The following CDK14 variants were observed in gnomAD, a reference collection of about 807,000 sequenced individuals.
CDK14 encodes cyclin dependent kinase 14, also known as cyclin-dependent kinase 14.
A neutral mutation model predicts 60.7 loss-of-function variants in CDK14; 34 were observed. The observed-to-expected ratio is 0.56, with a 90% CI of 0.43 to 0.75. The LOEUF is 0.75. CDK14 is among the 30% of genes least tolerant of loss of function. The pLI is 0.00. For missense variants in CDK14, 482 were observed against 564.1 expected (o/e 0.85, Z 1.47); for synonymous variants, 197 against 203.7 (o/e 0.97, Z 0.28).
chr7:91,075,637 GAAAT>G (rs1021914077), intron 11 of CDK14, among the ~76,000 whole-genome samples: 11 of 152,136 alleles, frequency 7.2e-5, no homozygotes, highest in Non-Finnish European at 8.8e-5. Flanking sequence ...GCAAGAGAAA[GAAAT>G]AAAGGATATT....
intron 14 of CDK14, among the ~76,000 whole-genome samples, chr7:91,141,275 A>G (rs1296978724): frequency 1.3e-5 from 2 of 152,118 alleles, no homozygotes; most frequent in Non-Finnish European, 2.9e-5. Context: ...GTGGTGGGAG[A>G]AGGACAGAGA....
chr7:90,906,563 C>G (rs1001504823), intron 7 of CDK14, among the ~76,000 whole-genome samples: 1 of 152,054 alleles, frequency 6.6e-6, no homozygotes, highest in East Asian at 1.9e-4. Context: ...TGCAGCATGA[C>G]AGTATATATA....
chr7:91,097,085 T>C (rs890420225), intron 12 of CDK14, among the ~76,000 whole-genome samples: 1 of 152,092 alleles, frequency 6.6e-6, no homozygotes, highest in Non-Finnish European at 1.5e-5. Flanking sequence ...TTTTATTATA[T>C]AAAAACATAT....
chr7:91,192,888 G>A (rs997986960), intron 14 of CDK14, among the ~76,000 whole-genome samples: 11 of 152,162 alleles, frequency 7.2e-5, no homozygotes, highest in African/African-American at 2.2e-4. Flanking sequence ...CACTGCCAAC[G>A]TATGCTTCTC....
chr7:91,060,725 G>A (rs1388531497), intron 11 of CDK14, among the ~76,000 whole-genome samples: 1 of 152,100 alleles, frequency 6.6e-6, no homozygotes, highest in African/African-American at 2.4e-5. Context: ...TTGAACATTG[G>A]CCCCCACTGT....
At chr7:90,700,934 G>A (rs1239120026) in intron 2 of CDK14, among the ~76,000 whole-genome samples, 1 of 152,090 alleles carries the variant, frequency 6.6e-6, no homozygotes, top group African/African-American at 2.4e-5. Context: ...TCAATAAATG[G>A]TTGGTAAATG....
chr7:90,807,057 C>A lies in CDK14; in HGVS notation c.544+16405C>A, dbSNP rs535683834. 3.3e-4 allele frequency among the ~76,000 whole-genome samples: 51 copies of A among 152,336 alleles called. 2 individuals carry two copies. The highest frequency in any genetic ancestry group is 1.5e-5 in the Non-Finnish European group (1 of 68,022). ...CCTCTGGGGGCAGGGCATAGCCAAA[C>A]AAAAGGCAGCAGAAACCTCTGCAGA... On this transcript the variant is annotated intron_variant, in intron 5 of 14. Transcript: ENST00000380050.
chr7:90,670,541 A>C (rs752097830), intron 2 of CDK14, among the ~76,000 whole-genome samples: 3 of 152,194 alleles, frequency 2.0e-5, no homozygotes, highest in Non-Finnish European at 4.4e-5. Context: ...CTGTATGAGC[A>C]TGATGCCAGC....
At chr7:90,871,725 G>A (rs532165476) in intron 6 of CDK14, among the ~76,000 whole-genome samples, 2 of 152,250 alleles carry the variant, frequency 1.3e-5, no homozygotes, top group Non-Finnish European at 2.9e-5. Context: ...TTTAGGTTAT[G>A]TGCTGCCAAC....
At chr7:91,164,325 C>G (rs910728910) in intron 14 of CDK14, among the ~76,000 whole-genome samples, 1 of 152,096 alleles carries the variant, frequency 6.6e-6, no homozygotes, top group Non-Finnish European at 1.5e-5. Flanking sequence ...TATATAGTGC[C>G]TATATGCCAG....
At chr7:90,617,189 GA>G (rs1799669144) in intron 2 of CDK14, among the ~76,000 whole-genome samples, 3 of 151,932 alleles carry the variant, frequency 2.0e-5, no homozygotes, top group Non-Finnish European at 2.9e-5. Context: ...GAAAACATCT[GA>G]AAAAAAGGAA....
rs1363546040 is a variant in CDK14 at position 90,726,937 on chromosome 7, G to A, written c.369+125G>A. ...CTTATTATGCATTCTCTCCCAGGGT[G>A]GTTGAATGTTTTGGAAGAGAGAGAG... On this transcript the variant is annotated intron_variant, in intron 3 of 14. Transcript: ENST00000380050. The A allele has an allele frequency of 8.5e-6, 10 of 1,179,548 alleles. No homozygotes were observed. The East Asian group carries it at 2.2e-4, about 25-fold the overall frequency. 73.1% of individuals were successfully genotyped at this position (1,179,548 alleles called of 1,614,324 possible). A position where few individuals can be genotyped will look rare whatever the true frequency, so the allele number is the denominator to read the frequency against.
rs376042467 is a variant in CDK14 at position 90,676,302 on chromosome 7, G to A, written c.124-50265G>A. On this transcript the variant is annotated intron_variant, in intron 2 of 14. Coordinates refer to ENST00000380050, the MANE Select transcript of CDK14 (RefSeq NM_001287135.2). ...TCTTCATGGAGTTGTCAGGAAGGGC[G>A]TCCCTGAGAAACTCACTTTGGAAAA... 7.9e-5 allele frequency among the ~76,000 whole-genome samples: 12 copies of A among 152,272 alleles called. No individual in the cohort carries two copies. In the East Asian group the frequency reaches 2.1e-3, roughly 27 times the overall value.
intron 8 of CDK14, among the ~76,000 whole-genome samples, chr7:90,938,468 T>C (rs1793819738): frequency 6.6e-6 from 1 of 152,234 alleles, no homozygotes; most frequent in Non-Finnish European, 1.5e-5. Context: ...TTATTAAACT[T>C]TTGGGGGGTT....
intron 8 of CDK14, among the ~76,000 whole-genome samples, chr7:90,933,189 AGG>A (rs1212737535): frequency 6.6e-6 from 1 of 151,620 alleles, no homozygotes; most frequent in African/African-American, 2.4e-5. Flanking sequence ...AAAATTAGCC[AGG>A]ATTGCCTGAG....
At chr7:90,614,300 C>T (rs1032269814) in intron 2 of CDK14, among the ~76,000 whole-genome samples, 2 of 152,128 alleles carry the variant, frequency 1.3e-5, no homozygotes, top group Non-Finnish European at 2.9e-5. Flanking sequence ...CCACCGTCCC[C>T]GGCCTAGTTC....
chr7:91,157,810 G>A (rs1201800192), intron 14 of CDK14, among the ~76,000 whole-genome samples: 1 of 152,136 alleles, frequency 6.6e-6, no homozygotes, highest in Non-Finnish European at 1.5e-5. Flanking sequence ...ATGGGCATTA[G>A]TATCTGTAAT....
intron 6 of CDK14, among the ~76,000 whole-genome samples, chr7:90,879,896 G>A (rs1791688176): frequency 6.6e-6 from 1 of 151,806 alleles, no homozygotes. Context: ...CCCCAGAGAA[G>A]GGAGACTGTG....
At chr7:91,055,528 C>G (rs1395612266) in intron 11 of CDK14, among the ~76,000 whole-genome samples, 2 of 152,134 alleles carry the variant, frequency 1.3e-5, no homozygotes, top group Non-Finnish European at 2.9e-5. Flanking sequence ...CTACTGATAG[C>G]AGACTTATTT....
Sources: gnomAD v4.1 joint callset for allele counts (sites outside exome capture counted in the v4.1 genomes callset) on GRCh38, gnomAD v4.1.1 for gene constraint, MANE v1.5 for transcripts, NCBI Gene and HGNC (gene_info 2026-07-23, HGNC 2026-07-21) for gene names.